The following REDIC1 variants were observed in gnomAD, a reference collection of about 807,000 sequenced individuals.
The protein encoded by REDIC1 is HEI10 Interacting Protein 1.
At chr12:39,808,931 T>C in the REDIC1 span, among the ~76,000 whole-genome samples, 1 of 152,014 alleles carries the variant, frequency 6.6e-6, no homozygotes, top group Non-Finnish European at 1.5e-5. Context: ...AACTCCAATA[T>C]ATCAATTTTT....
chr12:39,663,126 C>G, the REDIC1 span, among the ~76,000 whole-genome samples: 1 of 151,768 alleles, frequency 6.6e-6, no homozygotes. Context: ...CAGAGTAATC[C>G]GGCTTCATAT....
chr12:39,863,768 A>G, the REDIC1 span, among the ~76,000 whole-genome samples: 1 of 152,194 alleles, frequency 6.6e-6, no homozygotes, highest in Non-Finnish European at 1.5e-5. Flanking sequence ...TTCCAAAGGC[A>G]CATAGATCAC....
chr12:39,748,859 C>A, the REDIC1 span, among the ~76,000 whole-genome samples: 3 of 152,154 alleles, frequency 2.0e-5, no homozygotes, highest in African/African-American at 7.2e-5. Context: ...TAAAGATGTT[C>A]TTTGAAACCA....
the REDIC1 span, among the ~76,000 whole-genome samples, chr12:39,641,772 A>G: frequency 6.6e-6 from 1 of 151,768 alleles, no homozygotes; most frequent in African/African-American, 2.4e-5. Context: ...GATCAAAGGT[A>G]GTAAAATTTC....
At chr12:39,899,297 A>G in the REDIC1 span, among the ~76,000 whole-genome samples, 5 of 152,070 alleles carry the variant, frequency 3.3e-5, no homozygotes, top group Admixed American at 2.0e-4. Flanking sequence ...CTCTGATGGT[A>G]GTTTGTATTT....
At chr12:39,738,856 A>G in the REDIC1 span, among the ~76,000 whole-genome samples, 25 of 152,112 alleles carry the variant, frequency 1.6e-4, no homozygotes, top group African/African-American at 6.0e-4. Flanking sequence ...ATGTATGAAC[A>G]TAAAATATTT....
At chr12:39,760,465 T>C in the REDIC1 span, among the ~76,000 whole-genome samples, 1 of 151,978 alleles carries the variant, frequency 6.6e-6, no homozygotes, top group Non-Finnish European at 1.5e-5. Context: ...GTTTAGAAAC[T>C]CAAGAATAAT....
chr12:39,797,893 G>A, the REDIC1 span, among the ~76,000 whole-genome samples: 1 of 152,170 alleles, frequency 6.6e-6, no homozygotes, highest in Non-Finnish European at 1.5e-5. Flanking sequence ...ATTAGGGGCT[G>A]TGGGAGTCAG....
chr12:39,728,019 C>A, the REDIC1 span, among the ~76,000 whole-genome samples: 6 of 152,194 alleles, frequency 3.9e-5, no homozygotes, highest in African/African-American at 1.4e-4. Flanking sequence ...CTGAGACTTT[C>A]CTGAAGTTGC....
the REDIC1 span, among the ~76,000 whole-genome samples, chr12:39,793,267 G>T: frequency 0.98 from 149,083 of 152,238 alleles, 73,005 homozygotes; most frequent in African/African-American, 1. Flanking sequence ...TGTTTAGGAA[G>T]AAATCTGACA....
chr12:39,775,991 A>AT, the REDIC1 span, among the ~76,000 whole-genome samples: 2 of 152,212 alleles, frequency 1.3e-5, no homozygotes, highest in Non-Finnish European at 2.9e-5. Context: ...TGGATTTTAG[A>AT]TTTTTGGATC....
At chr12:39,808,056 A>C in the REDIC1 span, among the ~76,000 whole-genome samples, 1 of 152,172 alleles carries the variant, frequency 6.6e-6, no homozygotes, top group Non-Finnish European at 1.5e-5. Flanking sequence ...GTATAAATCC[A>C]TGTAACCACT....
chr12:39,749,846 G>A, the REDIC1 span, among the ~76,000 whole-genome samples: 1 of 152,102 alleles, frequency 6.6e-6, no homozygotes, highest in South Asian at 2.1e-4. Context: ...ATGCAGAAAA[G>A]GCCTTTGAGA....
chr12:39,775,569 A>G, the REDIC1 span, among the ~76,000 whole-genome samples: 474 of 152,364 alleles, frequency 3.1e-3, 6 homozygotes, highest in African/African-American at 0.011. Flanking sequence ...AATACTTTGA[A>G]GTTCTTTCTC....
At chr12:39,670,148 G>A in the REDIC1 span, among the ~76,000 whole-genome samples, 2 of 152,218 alleles carry the variant, frequency 1.3e-5, no homozygotes, top group South Asian at 2.1e-4. Flanking sequence ...GCTCACGCTG[G>A]GAGCTGTAGA....
At chr12:39,680,527 T>C in the REDIC1 span, among the ~76,000 whole-genome samples, 2 of 152,200 alleles carry the variant, frequency 1.3e-5, no homozygotes, top group Non-Finnish European at 2.9e-5. Context: ...ACACTGCTGG[T>C]GGGTATGTAA....
chr12:39,684,248 TA>T, the REDIC1 span: 1 of 986,486 alleles, frequency 1.0e-6, no homozygotes, highest in Non-Finnish European at 1.2e-6. Flanking sequence ...CCTGCAATTA[TA>T]AGTAACTAAA....
chr12:39,713,750 C>T, the REDIC1 span, among the ~76,000 whole-genome samples: 1 of 147,864 alleles, frequency 6.8e-6, no homozygotes, highest in African/African-American at 2.5e-5. Flanking sequence ...TGTATATATA[C>T]ATGTATACAC....
At chr12:39,832,715 G>GATCT in the REDIC1 span, among the ~76,000 whole-genome samples, 2 of 151,390 alleles carry the variant, frequency 1.3e-5, no homozygotes, top group African/African-American at 4.9e-5. Flanking sequence ...CCCTCTACTT[G>GATCT]CTATTATCAG....
Sources: gnomAD v4.1 joint callset for allele counts (sites outside exome capture counted in the v4.1 genomes callset) on GRCh38, gnomAD v4.1.1 for gene constraint, MANE v1.5 for transcripts, NCBI Gene and HGNC (gene_info 2026-07-23, HGNC 2026-07-21) for gene names.